Variants in SH3GL3 observed in about 807,000 individuals in gnomAD.
SH3GL3 encodes SH3 domain containing GRB2 like 3, endophilin A3, also known as endophilin-A3.
A neutral mutation model predicts 47.7 loss-of-function variants in SH3GL3; 33 were observed. The ratio of observed to expected loss-of-function variants is 0.69; its 90% confidence interval spans 0.52 to 0.92. SH3GL3 has a LOEUF of 0.92. Ranked by LOEUF, SH3GL3 falls within the 40% of genes least tolerant of loss-of-function variation. The pLI is 0.00. For missense variants in SH3GL3, 363 were observed against 417.8 expected (o/e 0.87, Z 1.14); for synonymous variants, 155 against 148.8 (o/e 1.04, Z -0.30).
chr15:83,501,430 T>C (rs1020311742), intron 1 of SH3GL3, among the ~76,000 whole-genome samples: 2 of 152,224 alleles, frequency 1.3e-5, no homozygotes, highest in Non-Finnish European at 2.9e-5. Context: ...TTGCTAATCA[T>C]GATCCTGTTT....
Position 83,479,635 on chromosome 15 carries a change from A to G in SH3GL3, c.45+32057A>G, listed in dbSNP as rs1030199693. 3.4e-4 allele frequency among the ~76,000 whole-genome samples: 51 copies of G among 152,124 alleles called. 1 individual carries two copies. The highest frequency in any genetic ancestry group is 3.1e-3 in the Admixed American group (47 of 15,278). Reference sequence around the variant, plus strand: ...GGACGTTAAGTCCCTGGCACTTCCAATTTGCCTGGCACATGGGCTAATGTT... The same window carrying G: ...GGACGTTAAGTCCCTGGCACTTCCAGTTTGCCTGGCACATGGGCTAATGTT... On this transcript the variant is annotated intron_variant, in intron 1 of 8. Transcript: ENST00000427482.
intron 1 of SH3GL3, among the ~76,000 whole-genome samples, chr15:83,557,004 A>G (rs1347043128): frequency 6.6e-6 from 1 of 152,244 alleles, no homozygotes; most frequent in Non-Finnish European, 1.5e-5. Flanking sequence ...GAGCAGAAGT[A>G]TCTGTAGAGC....
At chr15:83,598,775 A>G (rs1047758784) in intron 8 of SH3GL3, among the ~76,000 whole-genome samples, 1 of 152,214 alleles carries the variant, frequency 6.6e-6, no homozygotes, top group East Asian at 1.9e-4. Flanking sequence ...CAATTTTAAC[A>G]GAGAGGAGAG....
intron 1 of SH3GL3, among the ~76,000 whole-genome samples, chr15:83,471,354 G>A (rs1382042732): frequency 6.6e-6 from 1 of 152,180 alleles, no homozygotes; most frequent in Non-Finnish European, 1.5e-5. Flanking sequence ...AAATAAGCAG[G>A]AGGTTATTAC....
At chr15:83,549,780 T>C (rs1436705895) in intron 1 of SH3GL3, among the ~76,000 whole-genome samples, 2 of 152,234 alleles carry the variant, frequency 1.3e-5, no homozygotes, top group Non-Finnish European at 2.9e-5. Flanking sequence ...TTTCCTTGGT[T>C]ACAGTGTATT....
intron 1 of SH3GL3, among the ~76,000 whole-genome samples, chr15:83,539,964 T>G (rs1317661783): frequency 6.6e-6 from 1 of 152,172 alleles, no homozygotes; most frequent in Non-Finnish European, 1.5e-5. Context: ...AACTGGTGAT[T>G]TAAAGCTATA....
At chr15:83,631,175 C>A in the SH3GL3 span, among the ~76,000 whole-genome samples, 1 of 152,208 alleles carries the variant, frequency 6.6e-6, no homozygotes, top group African/African-American at 2.4e-5. Flanking sequence ...CCAAATCACA[C>A]TGATGCAAGA....
intron 6 of SH3GL3, among the ~76,000 whole-genome samples, chr15:83,583,399 G>T (rs1045029600): frequency 6.6e-6 from 1 of 152,160 alleles, no homozygotes; most frequent in Non-Finnish European, 1.5e-5. Flanking sequence ...TTGCAGAGTT[G>T]GCCTAAGACA....
intron 1 of SH3GL3, among the ~76,000 whole-genome samples, chr15:83,544,764 C>T (rs923851519): frequency 2.0e-5 from 3 of 152,088 alleles, no homozygotes; most frequent in African/African-American, 7.2e-5. Flanking sequence ...ATTTCTCCTT[C>T]ATGTTTGAAG....
chr15:83,544,196 C>T (rs1023231225), intron 1 of SH3GL3, among the ~76,000 whole-genome samples: 4 of 151,828 alleles, frequency 2.6e-5, no homozygotes, highest in Non-Finnish European at 5.9e-5. Context: ...CATAGGTTTT[C>T]GTATGTTGTA....
At chr15:83,459,120 A>G (rs968520435) in intron 1 of SH3GL3, among the ~76,000 whole-genome samples, 3 of 152,258 alleles carry the variant, frequency 2.0e-5, no homozygotes, top group African/African-American at 7.2e-5. Flanking sequence ...GTTCGAGGGC[A>G]GGAAGCATCC....
chr15:83,571,305 T>C (rs2045805174), intron 4 of SH3GL3, among the ~76,000 whole-genome samples: 1 of 152,208 alleles, frequency 6.6e-6, no homozygotes, highest in Admixed American at 6.5e-5. Context: ...GAGCTGACAT[T>C]GTGAGACACT....
At position 83,618,204 on chromosome 15, in the gene SH3GL3, A is replaced by T. The variant is rs1284754248; in HGVS notation, c.961A>T (p.Asn321Tyr). 1 of 1,610,214 alleles carries T rather than the reference A, an allele frequency of 6.2e-7. No homozygotes were observed. The highest frequency in any genetic ancestry group is 1.3e-5 in the African/African-American group (1 of 74,860). ...TACATTAACCAATCAAATAGATGAA[A>T]ACTGGTATGAAGGAATGATACACGG... ...IITLTNQIDE[N>Y]WYEGMIHGES... The change falls in exon 9 of 9, where the codon AAC becomes TAC. Residue 321 changes from asparagine (N) to tyrosine (Y), a missense_variant. By Grantham distance (143) the Asn-to-Tyr change is moderately radical. Transcript: ENST00000427482.
chr15:83,495,204 C>A (rs142646190), intron 1 of SH3GL3, among the ~76,000 whole-genome samples: 41 of 152,322 alleles, frequency 2.7e-4, no homozygotes, highest in Non-Finnish European at 4.4e-4. Flanking sequence ...ACCCTTGAAG[C>A]TGCCTGGACA....
At chr15:83,604,870 G>A (rs563903354) in intron 8 of SH3GL3, among the ~76,000 whole-genome samples, 19 of 152,290 alleles carry the variant, frequency 1.2e-4, no homozygotes, top group Admixed American at 1.3e-4. Context: ...GGAATGTTAT[G>A]AAATGGCCAA....
At chr15:83,575,138 T>G (rs912083453) in intron 5 of SH3GL3, among the ~76,000 whole-genome samples, 15 of 152,312 alleles carry the variant, frequency 9.8e-5, no homozygotes, top group Middle Eastern at 3.4e-3. Flanking sequence ...TTTTGAATGG[T>G]TGATTCTAGA....
At chr15:83,496,607 C>A (rs1010177468) in intron 1 of SH3GL3, among the ~76,000 whole-genome samples, 3 of 152,004 alleles carry the variant, frequency 2.0e-5, no homozygotes, top group African/African-American at 7.2e-5. Context: ...CTGAAGGGTC[C>A]TTCTTTTCCT....
chr15:83,558,411 T>G (rs2045070311), intron 1 of SH3GL3, among the ~76,000 whole-genome samples: 1 of 151,266 alleles, frequency 6.6e-6, no homozygotes, highest in Non-Finnish European at 1.5e-5. Context: ...TTTATTGCTG[T>G]TTTTTTTTCT....
intron 1 of SH3GL3, among the ~76,000 whole-genome samples, chr15:83,553,234 G>A (rs1366891633): frequency 6.6e-6 from 1 of 152,130 alleles, no homozygotes; most frequent in Non-Finnish European, 1.5e-5. Context: ...AACAAAGACA[G>A]GTAGCTCTTG....
Sources: gnomAD v4.1 joint callset for allele counts (sites outside exome capture counted in the v4.1 genomes callset) on GRCh38, gnomAD v4.1.1 for gene constraint, MANE v1.5 for transcripts, NCBI Gene and HGNC (gene_info 2026-07-23, HGNC 2026-07-21) for gene names.